ZBTB17: variants seen among roughly 807,000 people sequenced by gnomAD.
ZBTB17 encodes the protein zinc finger and BTB domain-containing protein 17.
ZBTB17 carries 24 observed loss-of-function variants against 85.1 expected under a neutral mutation model. That is an observed-to-expected ratio of 0.28 (90% CI 0.20 to 0.40). The LOEUF (loss-of-function observed/expected upper bound fraction) is 0.40, where lower values mean the gene tolerates loss of function less well. ZBTB17 is among the 10% of genes least tolerant of loss of function. The pLI is 1.00. For synonymous variants in ZBTB17, 464 were observed against 460.2 expected (o/e 1.01, Z -0.11); for missense variants, 743 against 1,105.1 (o/e 0.67, Z 4.65).
chr1:15,962,468 G>A (rs577713468), intron 2 of ZBTB17, among the ~76,000 whole-genome samples: 6 of 152,014 alleles, frequency 3.9e-5, no homozygotes, highest in Non-Finnish European at 8.8e-5. Context: ...GTTTCATGCC[G>A]CCTCACCAGT....
chr1:15,957,998 T>C lies in ZBTB17; in HGVS notation c.-2-9501A>G, dbSNP rs547342418. On this transcript the variant is annotated intron_variant, in intron 2 of 15. Transcript: ENST00000375743. ...GCCACAAGGTGGAACAAGATATCCA[T>C]GGAAGCAGGTATTGGATAAACAAGA... Among the ~76,000 whole-genome samples the C allele has an allele frequency of 7.2e-5, 11 of 152,292 alleles. No homozygotes were observed. In the East Asian group the frequency reaches 2.1e-3, roughly 29 times the overall value.
chr1:15,943,408 C>T lies in ZBTB17; in HGVS notation c.1688G>A (p.Cys563Tyr). Residue 563 changes from cysteine (C) to tyrosine (Y), a missense_variant, in exon 12 of 16, where the codon TGC becomes TAC. By Grantham distance (194) the Cys-to-Tyr change is radical. Around this residue, in one of 4 missense-constraint regions of ZBTB17, gnomAD observed 321 missense variants for 615.7 expected, o/e 0.52. Transcript: ENST00000375743. ...TGEKPYVCER[C>Y]GKRFVQSSQL... ...GGGGAGGGGGCAGGACCTCTTGCCG[C>T]AGCGCTCGCAGACGTAGGGCTTCTC... 1 of 1,598,652 alleles carries T rather than the reference C, an allele frequency of 6.3e-7. No individual in the cohort carries two copies. The highest frequency in any genetic ancestry group is 1.7e-5 in the Admixed American group (1 of 59,194).
At chr1:15,962,344 G>A (rs1418203230) in intron 2 of ZBTB17, among the ~76,000 whole-genome samples, 1 of 152,208 alleles carries the variant, frequency 6.6e-6, no homozygotes, top group African/African-American at 2.4e-5. Flanking sequence ...CTCCAGAGGA[G>A]GTTACTGGCA....
chr1:15,974,920 C>T (rs1247282985), intron 1 of ZBTB17, among the ~76,000 whole-genome samples: 1 of 152,202 alleles, frequency 6.6e-6, no homozygotes, highest in African/African-American at 2.4e-5. Flanking sequence ...CCTCTCTCTA[C>T]GAAGATGAGT....
intron 1 of ZBTB17, among the ~76,000 whole-genome samples, chr1:15,974,899 G>A (rs1227389804): frequency 6.6e-6 from 1 of 152,154 alleles, no homozygotes; most frequent in Admixed American, 6.5e-5. Context: ...TATTTAGCCT[G>A]ATCTCTCTCT....
chr1:15,958,615 A>C (rs974858537), intron 2 of ZBTB17, among the ~76,000 whole-genome samples: 1 of 152,128 alleles, frequency 6.6e-6, no homozygotes. Flanking sequence ...TCCACTGCAA[A>C]GTGCCAGGGG....
At position 15,953,035 on chromosome 1, in the gene ZBTB17, G is replaced by A. The variant is rs559443887; in HGVS notation, c.-2-4538C>T. The A allele has an allele frequency of 6.6e-6, 1 of 152,372 alleles. No homozygotes were observed. The highest frequency in any genetic ancestry group is 1.9e-4 in the East Asian group (1 of 5,188). The allele number at this position is 152,372 out of a possible 1,614,324, so 9.4% of individuals were successfully genotyped here. On this transcript the variant is annotated intron_variant, in intron 2 of 15. Transcript: ENST00000375743. This position sits in a 1 kb window ranked among gnomAD's most constrained non-coding sequence, Gnocchi z 5.1. Reference sequence around the variant, plus strand: ...AGGTTCAGGATGACGGTTCTCTCTGGATGGGGGAGGGTAAGCAGGGGACTT... The same window carrying A: ...AGGTTCAGGATGACGGTTCTCTCTGAATGGGGGAGGGTAAGCAGGGGACTT...
chr1:15,950,904 C>T (rs2071809325), intron 2 of ZBTB17, among the ~76,000 whole-genome samples: 4 of 152,174 alleles, frequency 2.6e-5, no homozygotes, highest in Admixed American at 2.6e-4. Flanking sequence ...CGCAGCCCCG[C>T]CCAGCCATAC....
Position 15,973,860 on chromosome 1 carries a change from T to C in ZBTB17, c.-89-735A>G, listed in dbSNP as rs2072762086. Among the ~76,000 whole-genome samples the C allele has an allele frequency of 1.3e-5, 2 of 152,178 alleles. No homozygotes were observed. The highest frequency in any genetic ancestry group is 4.1e-4 in the South Asian group (2 of 4,828). ...CTACAGGCCCACTCCCTTTGATACA[T>C]TCTTCACTTAGCCAGAGTGATCTTC... On this transcript the variant is annotated intron_variant, in intron 1 of 15. Transcript: ENST00000375743. This position sits in a 1 kb window ranked among gnomAD's most constrained non-coding sequence, Gnocchi z 4.1.
chr1:15,946,320 C>T (rs1342174760), intron 4 of ZBTB17, 26 bp from the exon 5 acceptor site: 2 of 1,594,704 alleles, frequency 1.3e-6, no homozygotes, highest in Non-Finnish European at 1.7e-6. Context: ...GGCAGACCTG[C>T]CGTTTCCCAT....
rs759504837 is a variant in ZBTB17 at position 15,941,891 on chromosome 1, C to A, written c.*78G>T. The A allele has an allele frequency of 8.7e-6, 13 of 1,493,068 alleles. No individual in the cohort carries two copies. Among genetic ancestry groups the A allele is most frequent in the Non-Finnish European group, 1.2e-5 (13 of 1,117,972 alleles). 92.5% of individuals were successfully genotyped at this position (1,493,068 alleles called of 1,614,324 possible). Reference sequence around the variant, plus strand: ...GCATTAGAAAATAATCCAATTTATTCTCTCTAGGGAACAGGCCACCCTTCC... The same window carrying A: ...GCATTAGAAAATAATCCAATTTATTATCTCTAGGGAACAGGCCACCCTTCC... On this transcript the variant is annotated 3_prime_UTR_variant, in exon 16 of 16. Coordinates refer to ENST00000375743, the MANE Select transcript of ZBTB17 (RefSeq NM_003443.3).
At position 15,952,639 on chromosome 1, in the gene ZBTB17, A is replaced by G. The variant is rs1570146026; in HGVS notation, c.-2-4142T>C. 6.6e-6 allele frequency among the ~76,000 whole-genome samples: 1 copy of G among 152,358 alleles called. No individual in the cohort carries two copies. The highest frequency in any genetic ancestry group is 1.9e-4 in the East Asian group (1 of 5,182). The stretch of plus-strand genomic sequence containing the variant: ...AGACCTAAACCTAAAGAAGCCTGGA[A>G]GATTCTGCTGTGGCTCCTGGGAATC... On this transcript the variant is annotated intron_variant, in intron 2 of 15. Transcript: ENST00000375743. The surrounding 1 kb of genome is among the most constrained non-coding windows in gnomAD (Gnocchi z 4.3).
At position 15,953,810 on chromosome 1, in the gene ZBTB17, G is replaced by A. The variant is rs192036501; in HGVS notation, c.-2-5313C>T. On this transcript the variant is annotated intron_variant, in intron 2 of 15. Transcript: ENST00000375743. This position sits in a 1 kb window ranked among gnomAD's most constrained non-coding sequence, Gnocchi z 5.1. ...CAGGGCTAATGGTATGACTTCCTTTGTGACAGGATTAAATTAAGTAACATA... is the reference window on the plus strand; with the variant it reads ...CAGGGCTAATGGTATGACTTCCTTTATGACAGGATTAAATTAAGTAACATA... 2.0e-5 allele frequency among the ~76,000 whole-genome samples: 3 copies of A among 152,344 alleles called. No individual in the cohort carries two copies. Among genetic ancestry groups the A allele is most frequent in the East Asian group, 3.8e-4 (2 of 5,196 alleles).
chr1:15,975,627 G>A (rs532722945), intron 1 of ZBTB17, among the ~76,000 whole-genome samples: 1 of 152,192 alleles, frequency 6.6e-6, no homozygotes, highest in East Asian at 1.9e-4. Flanking sequence ...CTCCCTCGCG[G>A]CCGCAGAACG....
At chr1:15,951,000 G>C (rs1328047218) in intron 2 of ZBTB17, among the ~76,000 whole-genome samples, 1 of 152,150 alleles carries the variant, frequency 6.6e-6, no homozygotes, top group African/African-American at 2.4e-5. Flanking sequence ...AAATAGTAAA[G>C]GCCCCAAGGA....
rs762057725 is a variant in ZBTB17 at position 15,942,171 on chromosome 1, C to T, written c.2210G>A (p.Arg737Gln). 2.5e-6 allele frequency: 4 copies of T among 1,613,714 alleles called. No individual in the cohort carries two copies. The highest frequency in any genetic ancestry group is 1.6e-4 in the Middle Eastern group (1 of 6,062). Residue 737 changes from arginine (R) to glutamine (Q), a missense_variant, in exon 16 of 16, where the codon CGA becomes CAA. Transcript: ENST00000375743. ...GACCAGTGCCTGGGCTGTGTGGATT[C>T]GCACATGCTGAGCCAGGCTGTTGGC... ...LDANSLAQHV[R>Q]IHTAQALVMF... is the part of the protein sequence containing the mutation.
intron 2 of ZBTB17, among the ~76,000 whole-genome samples, chr1:15,949,234 C>T (rs2071736132): frequency 6.6e-6 from 1 of 152,188 alleles, no homozygotes; most frequent in Non-Finnish European, 1.5e-5. Flanking sequence ...CACTTAATGC[C>T]TGGAAATCCC....
rs942486829 is a variant in ZBTB17 at position 15,945,011 on chromosome 1, G to T, written c.853C>A (p.Arg285=). 3.8e-6 allele frequency: 6 copies of T among 1,599,122 alleles called. No individual in the cohort carries two copies. In the African/African-American group the frequency reaches 5.3e-5, roughly 14 times the overall value. Residue 285 remains arginine (R), a synonymous_variant, in exon 7 of 16, where the codon CGG becomes AGG. Coordinates refer to ENST00000375743, the MANE Select transcript of ZBTB17 (RefSeq NM_003443.3). ...CCGTAGGTGCCTGAGCGCAGGCCCCGGGCCTCGGAGCCGAGCTCCTGCCCC... is the reference window on the plus strand; with the variant it reads ...CCGTAGGTGCCTGAGCGCAGGCCCCTGGCCTCGGAGCCGAGCTCCTGCCCC... ...DSGQELGSEA[R]GLRSGTYGDR...
At position 15,973,330 on chromosome 1, in the gene ZBTB17, C is replaced by T. The variant is rs1277299644; in HGVS notation, c.-89-205G>A. Among the ~76,000 whole-genome samples, 1 of 152,204 alleles carries T rather than the reference C, an allele frequency of 6.6e-6. No homozygotes were observed. The highest frequency in any genetic ancestry group is 1.5e-5 in the Non-Finnish European group (1 of 68,036). On this transcript the variant is annotated intron_variant, in intron 1 of 15. Transcript: ENST00000375743. This position sits in a 1 kb window ranked among gnomAD's most constrained non-coding sequence, Gnocchi z 4.1. ...GGGACACAAAGATGCACAGACTCAGCCTCAGGCCCTGCTCTCAAGAACTCC... is the reference window on the plus strand; with the variant it reads ...GGGACACAAAGATGCACAGACTCAGTCTCAGGCCCTGCTCTCAAGAACTCC...
Sources: allele counts gnomAD v4.1 joint callset (sites outside exome capture counted in the v4.1 genomes callset), GRCh38; gene constraint gnomAD v4.1.1; regional missense constraint gnomAD v4.1.1; non-coding constraint Gnocchi (gnomAD v3.1); transcripts MANE v1.5; gene names NCBI Gene and HGNC (gene_info 2026-07-23, HGNC 2026-07-21).